THSD4: variants seen among roughly 807,000 people sequenced by gnomAD.
THSD4 encodes the protein thrombospondin type-1 domain-containing protein 4.
Under a neutral mutation model 119.0 loss-of-function variants are expected in THSD4, and 69 were observed. The ratio of observed to expected loss-of-function variants is 0.58; its 90% CI spans 0.48 to 0.71. The LOEUF (loss-of-function observed/expected upper bound fraction) is 0.71, where lower values mean the gene tolerates loss of function less well. THSD4 is among the 30% of genes least tolerant of loss of function. The pLI, the probability that THSD4 is intolerant of heterozygous loss-of-function variation, is 0.00. For synonymous variants in THSD4, 524 were observed against 540.4 expected, an observed-to-expected ratio of 0.97 and a Z score of 0.42; for missense variants, 1,393 against 1,391.1, an observed-to-expected ratio of 1.00 and a Z score of -0.02.
chr15:71,634,673 G>T (rs1226917570), intron 7 of THSD4, among the ~76,000 whole-genome samples: 1 of 152,186 alleles, frequency 6.6e-6, no homozygotes, highest in Admixed American at 6.5e-5. Context: ...GTAAAGAAAG[G>T]TCGGTCAGAA....
chr15:71,651,103 CA>C (rs1481855088), intron 7 of THSD4, among the ~76,000 whole-genome samples: 1 of 152,198 alleles, frequency 6.6e-6, no homozygotes, highest in African/African-American at 2.4e-5. Context: ...ATGGCTCCAT[CA>C]AAGGCCTGCC....
At chr15:71,503,303 G>T (rs1319574591) in intron 7 of THSD4, among the ~76,000 whole-genome samples, 1 of 152,182 alleles carries the variant, frequency 6.6e-6, no homozygotes, top group Non-Finnish European at 1.5e-5. Context: ...TGGGAGGGTG[G>T]TTGGGAAGAA....
chr15:71,761,647 T>C (rs2141202217), intron 15 of THSD4, among the ~76,000 whole-genome samples: 1 of 152,330 alleles, frequency 6.6e-6, no homozygotes, highest in Non-Finnish European at 1.5e-5. Flanking sequence ...ACACCTGGCA[T>C]CCATTAGTAA....
intron 7 of THSD4, 65 bp downstream of exon 7, chr15:71,411,888 T>C: frequency 6.3e-7 from 1 of 1,597,374 alleles, no homozygotes; most frequent in Non-Finnish European, 8.6e-7. Context: ...ACTCCATTGT[T>C]TTCCAGGGAG....
intron 7 of THSD4, among the ~76,000 whole-genome samples, chr15:71,572,395 A>C (rs938215423): frequency 6.6e-6 from 1 of 152,138 alleles, no homozygotes; most frequent in Admixed American, 6.5e-5. Context: ...TTTTACTTCA[A>C]ACTCACCTGT....
At chr15:71,578,342 G>T (rs1484724626) in intron 7 of THSD4, among the ~76,000 whole-genome samples, 7 of 152,000 alleles carry the variant, frequency 4.6e-5, no homozygotes, top group Admixed American at 4.6e-4. Context: ...CTCGAGGTTT[G>T]CTAATTTATA....
chr15:71,705,560 A>G (rs1340641464), intron 8 of THSD4, among the ~76,000 whole-genome samples: 1 of 152,084 alleles, frequency 6.6e-6, no homozygotes, highest in Non-Finnish European at 1.5e-5. Flanking sequence ...AGAGCCCCTT[A>G]TAGACCAACA....
At chr15:71,330,428 G>A (rs2045406669) in intron 6 of THSD4, among the ~76,000 whole-genome samples, 1 of 152,172 alleles carries the variant, frequency 6.6e-6, no homozygotes, top group Non-Finnish European at 1.5e-5. Context: ...ATCATCGTCA[G>A]TAGAGGATGC....
At position 71,738,544 on chromosome 15, in the gene THSD4, T is replaced by C. The variant is rs560980354; in HGVS notation, c.1906+537T>C. ...GTTACAATTCATCACAGTCAAAGGA[T>C]AGGGATTCGAGTTAATAAAGGAAAA... On this transcript the variant is annotated intron_variant, in intron 11 of 17. Coordinates refer to ENST00000261862, the MANE Select transcript of THSD4 (RefSeq NM_024817.3). Among the ~76,000 whole-genome samples, 5 of 152,210 alleles carry C rather than the reference T, an allele frequency of 3.3e-5. No homozygotes were observed. In the East Asian group the frequency reaches 7.7e-4, roughly 24 times the overall value.
chr15:71,480,080 AG>A (rs1256767261), intron 7 of THSD4, among the ~76,000 whole-genome samples: 1 of 152,142 alleles, frequency 6.6e-6, no homozygotes, highest in Non-Finnish European at 1.5e-5. Flanking sequence ...TCTGTCACCC[AG>A]GCTAGAGTGC....
chr15:71,439,309 CTTCTT>C (rs2047057223), intron 7 of THSD4, among the ~76,000 whole-genome samples: 1 of 152,120 alleles, frequency 6.6e-6, no homozygotes, highest in African/African-American at 2.4e-5. Context: ...TCTACTTACT[CTTCTT>C]GTGTTCTATT....
chr15:71,205,208 C>T (rs950935159), intron 3 of THSD4, among the ~76,000 whole-genome samples: 1 of 152,152 alleles, frequency 6.6e-6, no homozygotes, highest in Non-Finnish European at 1.5e-5. Flanking sequence ...CCTTGAGAAG[C>T]GTAGCACAGC....
intron 7 of THSD4, among the ~76,000 whole-genome samples, chr15:71,561,038 A>G (rs1190862682): frequency 6.7e-6 from 1 of 149,224 alleles, no homozygotes; most frequent in African/African-American, 2.5e-5. Context: ...GCAGTGGCAC[A>G]ATCTCGGCTC....
chr15:71,212,552 A>G (rs759272781), intron 3 of THSD4, among the ~76,000 whole-genome samples: 9 of 152,254 alleles, frequency 5.9e-5, no homozygotes, highest in African/African-American at 1.9e-4. Context: ...AATGTGCCAG[A>G]AACATATTTC....
chr15:71,773,035 C>A (rs1347991192), intron 17 of THSD4, among the ~76,000 whole-genome samples: 1 of 151,418 alleles, frequency 6.6e-6, no homozygotes. Flanking sequence ...CCCATCTTGG[C>A]AAAAAACGCT....
At chr15:71,637,710 G>T (rs2050773001) in intron 7 of THSD4, among the ~76,000 whole-genome samples, 1 of 151,914 alleles carries the variant, frequency 6.6e-6, no homozygotes, top group Non-Finnish European at 1.5e-5. Flanking sequence ...ATGGTAGAGT[G>T]ATGGTTGCAC....
chr15:71,143,719 T>C (rs8029141), intron 2 of THSD4, among the ~76,000 whole-genome samples: 1,544 of 148,564 alleles, frequency 0.01, 25 homozygotes, highest in African/African-American at 0.035. Flanking sequence ...TTTTTTTTTT[T>C]CAAAAGAGAC....
intron 4 of THSD4, among the ~76,000 whole-genome samples, chr15:71,231,220 A>G (rs984060043): frequency 1.3e-5 from 2 of 152,202 alleles, no homozygotes; most frequent in African/African-American, 4.8e-5. Context: ...CCTGATGGCA[A>G]TATCTGGGGC....
intron 6 of THSD4, among the ~76,000 whole-genome samples, chr15:71,270,711 A>G (rs1473797370): frequency 2.0e-5 from 3 of 152,110 alleles, no homozygotes; most frequent in Non-Finnish European, 4.4e-5. Flanking sequence ...CCAGAAGGAG[A>G]GGTGGTCAAC....
Sources: allele counts gnomAD v4.1 joint callset (sites outside exome capture counted in the v4.1 genomes callset), GRCh38; gene constraint gnomAD v4.1.1; transcripts MANE v1.5; gene names NCBI Gene and HGNC (gene_info 2026-07-23, HGNC 2026-07-21).